EPM2A: variants seen among roughly 807,000 people sequenced by gnomAD.
The protein encoded by EPM2A is EPM2A glucan phosphatase, laforin.
A neutral mutation model predicts 26.5 loss-of-function variants in EPM2A; 21 were observed. The observed-to-expected ratio is 0.79, with a 90% confidence interval of 0.56 to 1.14. The LOEUF (loss-of-function observed/expected upper bound fraction) is 1.14, where lower values mean the gene tolerates loss of function less well. EPM2A is among the 50% of genes most tolerant of loss of function. The probability of loss-of-function intolerance (pLI) is 0.00; values close to 1 mark genes in which losing one functional copy is unlikely to be tolerated. For synonymous variants in EPM2A, 217 were observed against 177.6 expected (o/e 1.22, Z -1.76); for missense variants, 458 against 440.8 (o/e 1.04, Z -0.35).
At chr6:145,668,603 A>G (rs1194136148) in intron 2 of EPM2A, among the ~76,000 whole-genome samples, 1 of 152,110 alleles carries the variant, frequency 6.6e-6, no homozygotes, top group Non-Finnish European at 1.5e-5. Flanking sequence ...GTGAAGATAC[A>G]ATAATTAAGA....
At chr6:145,540,838 A>G (rs529994098) in intron 2 of EPM2A, among the ~76,000 whole-genome samples, 21 of 152,318 alleles carry the variant, frequency 1.4e-4, no homozygotes, top group African/African-American at 4.8e-4. Context: ...GATAGAAATT[A>G]CCTTCCATTT....
chr6:145,401,939 T>A (rs1778495900), intron 4 of EPM2A, among the ~76,000 whole-genome samples: 1 of 152,060 alleles, frequency 6.6e-6, no homozygotes, highest in Non-Finnish European at 1.5e-5. Flanking sequence ...AAGGAAACAC[T>A]CTTCCTAGAT....
intron 4 of EPM2A, among the ~76,000 whole-genome samples, chr6:145,484,801 C>G (rs1008425506): frequency 2.6e-5 from 4 of 151,218 alleles, no homozygotes; most frequent in African/African-American, 9.7e-5. Context: ...ATATTTGGAC[C>G]CTCTCTATAA....
chr6:145,623,793 T>C (rs561475310), downstream of EPM2A, among the ~76,000 whole-genome samples: 2 of 152,290 alleles, frequency 1.3e-5, no homozygotes, highest in African/African-American at 2.4e-5. Flanking sequence ...TGGGATCACA[T>C]TGGCTCTGAC....
chr6:145,409,136 T>C (rs1778608952), intron 4 of EPM2A, among the ~76,000 whole-genome samples: 1 of 152,192 alleles, frequency 6.6e-6, no homozygotes, highest in Non-Finnish European at 1.5e-5. Flanking sequence ...AGAGCAGAAG[T>C]ATTAATTATC....
intron 4 of EPM2A, among the ~76,000 whole-genome samples, chr6:145,398,869 A>AT (rs1778443656): frequency 1.3e-5 from 2 of 151,726 alleles, no homozygotes; most frequent in South Asian, 2.1e-4. Flanking sequence ...CAAAAAAAAA[A>AT]AAAAAACCAT....
chr6:145,714,652 G>A (rs975931823), intron 1 of EPM2A, among the ~76,000 whole-genome samples: 4 of 152,186 alleles, frequency 2.6e-5, no homozygotes, highest in Non-Finnish European at 5.9e-5. Flanking sequence ...CCATGTGGTT[G>A]GGGAAGCCTC....
chr6:145,704,563 C>A (rs917434271), intron 1 of EPM2A, among the ~76,000 whole-genome samples: 3 of 152,282 alleles, frequency 2.0e-5, no homozygotes, highest in Admixed American at 6.5e-5. Flanking sequence ...GTCTAAATTT[C>A]AAGATTAAAT....
intron 4 of EPM2A, among the ~76,000 whole-genome samples, chr6:145,408,777 G>T (rs1469763615): frequency 6.6e-6 from 1 of 152,146 alleles, no homozygotes; most frequent in African/African-American, 2.4e-5. Flanking sequence ...AGGCTGGGAA[G>T]TCCAAGATCA....
At chr6:145,731,019 A>C (rs1407370441) in intron 1 of EPM2A, among the ~76,000 whole-genome samples, 1 of 152,128 alleles carries the variant, frequency 6.6e-6, no homozygotes, top group Non-Finnish European at 1.5e-5. Context: ...TAGGAGCTGG[A>C]GATTGGGTGA....
intron 4 of EPM2A, among the ~76,000 whole-genome samples, chr6:145,454,582 C>A (rs1779236645): frequency 6.6e-6 from 1 of 152,168 alleles, no homozygotes; most frequent in African/African-American, 2.4e-5. Context: ...TAGAACTAAA[C>A]CTTGCTATGC....
chr6:145,500,285 C>G (rs1339522863), downstream of EPM2A, among the ~76,000 whole-genome samples: 1 of 152,156 alleles, frequency 6.6e-6, no homozygotes, highest in African/African-American at 2.4e-5. Context: ...AGTCTTGATT[C>G]CAGAACATGT....
Position 145,665,999 on chromosome 6 carries a change from T to C in EPM2A, c.476+20123A>G, listed in dbSNP as rs1029385683. ...CTAAAAACTCTCAATAAATTAGGTATTGATGGGACGTATTTCAAAATAATA... is the reference window on the plus strand; with the variant it reads ...CTAAAAACTCTCAATAAATTAGGTACTGATGGGACGTATTTCAAAATAATA... On this transcript the variant is annotated intron_variant, in intron 2 of 3. Coordinates refer to ENST00000367519, the MANE Select transcript of EPM2A (RefSeq NM_005670.4). Among the ~76,000 whole-genome samples, 11 of 146,744 alleles carry C rather than the reference T, an allele frequency of 7.5e-5. No individual in the cohort carries two copies. The South Asian group carries it at 2.0e-3, about 26-fold the overall frequency.
At chr6:145,728,732 G>A (rs1776334935) in intron 1 of EPM2A, among the ~76,000 whole-genome samples, 2 of 152,200 alleles carry the variant, frequency 1.3e-5, no homozygotes, top group Non-Finnish European at 2.9e-5. Flanking sequence ...TTGCCATGTG[G>A]TAGAAAAGAA....
chr6:145,508,975 C>A (rs1582810593), intron 2 of EPM2A, among the ~76,000 whole-genome samples: 1 of 151,530 alleles, frequency 6.6e-6, no homozygotes, highest in South Asian at 2.1e-4. Context: ...ACAGACTTGA[C>A]AAAGCAGAAG....
chr6:145,732,608 T>G (rs1254126095), intron 1 of EPM2A, among the ~76,000 whole-genome samples: 1 of 152,164 alleles, frequency 6.6e-6, no homozygotes, highest in Non-Finnish European at 1.5e-5. Flanking sequence ...AACAAATTTT[T>G]AAATAAGTTG....
intron 2 of EPM2A, among the ~76,000 whole-genome samples, chr6:145,503,260 A>G (rs1426294569): frequency 6.6e-6 from 1 of 151,842 alleles, no homozygotes; most frequent in Non-Finnish European, 1.5e-5. Context: ...AGGCAGGAGA[A>G]GGAAATAAAG....
intron 4 of EPM2A, among the ~76,000 whole-genome samples, chr6:145,477,279 A>C (rs1779554722): frequency 6.6e-6 from 1 of 151,824 alleles, no homozygotes; most frequent in Non-Finnish European, 1.5e-5. Context: ...GAGATCAAAG[A>C]TATAATAAAA....
intron 4 of EPM2A, among the ~76,000 whole-genome samples, chr6:145,434,182 T>C (rs564434709): frequency 6.6e-6 from 1 of 152,236 alleles, no homozygotes; most frequent in East Asian, 1.9e-4. Context: ...TGTTAACTGT[T>C]GATCTTTTGA....
Sources: gnomAD v4.1 joint callset for allele counts (sites outside exome capture counted in the v4.1 genomes callset) on GRCh38, gnomAD v4.1.1 for gene constraint, MANE v1.5 for transcripts, NCBI Gene and HGNC (gene_info 2026-07-23, HGNC 2026-07-21) for gene names.